MARCHF4: variants seen among roughly 807,000 people sequenced by gnomAD.
The protein encoded by MARCHF4 is E3 ubiquitin-protein ligase MARCHF4.
MARCHF4 carries 14 observed loss-of-function variants against 43.9 expected under a neutral mutation model. The observed-to-expected ratio is 0.32, with a 90% confidence interval of 0.21 to 0.50. The LOEUF (loss-of-function observed/expected upper bound fraction) is 0.50, where lower values mean the gene tolerates loss of function less well. Ranked by LOEUF, MARCHF4 falls within the 20% of genes least tolerant of loss-of-function variation. The pLI is 0.98. For synonymous variants in MARCHF4, 226 were observed against 213.3 expected, an observed-to-expected ratio of 1.06 and a Z score of -0.52; for missense variants, 468 against 536.7, an observed-to-expected ratio of 0.87 and a Z score of 1.27.
At chr2:216,321,302 C>T (rs548156521) in intron 1 of MARCHF4, among the ~76,000 whole-genome samples, 1 of 152,290 alleles carries the variant, frequency 6.6e-6, no homozygotes, top group South Asian at 2.1e-4. Flanking sequence ...ATGGCCCCCA[C>T]TCTCATGAAG....
chr2:216,353,749 T>C (rs370817477), intron 1 of MARCHF4, among the ~76,000 whole-genome samples: 1 of 152,220 alleles, frequency 6.6e-6, no homozygotes, highest in Non-Finnish European at 1.5e-5. Flanking sequence ...GGTTTTGCCA[T>C]GTTGGCCAGA....
At chr2:216,326,446 C>A (rs1009992998) in intron 1 of MARCHF4, among the ~76,000 whole-genome samples, 16 of 149,774 alleles carry the variant, frequency 1.1e-4, no homozygotes, top group Non-Finnish European at 2.2e-4. Context: ...TTTGACCCAG[C>A]CATCCCATTA....
Position 216,350,249 on chromosome 2 carries a change from T to C in MARCHF4, c.516+19496A>G, listed in dbSNP as rs112402035. Among the ~76,000 whole-genome samples the C allele has an allele frequency of 2.1e-3, 105 of 49,434 alleles. 1 individual carries two copies. The highest frequency in any genetic ancestry group is 8.4e-3 in the African/African-American group (100 of 11,848). The allele number at this position is 49,434 out of a possible 152,430, so 32.4% of individuals were successfully genotyped here. A position where few individuals can be genotyped will look rare whatever the true frequency, so the allele number is the denominator to read the frequency against. On this transcript the variant is annotated intron_variant, in intron 1 of 3. Coordinates refer to ENST00000273067, the MANE Select transcript of MARCHF4 (RefSeq NM_020814.3). The stretch of plus-strand genomic sequence containing the variant: ...CCCTCGCTATGCTACTCCCCCTCAC[T>C]CTGCCACTCCCCCTCACTCTGCCAT...
intron 1 of MARCHF4, among the ~76,000 whole-genome samples, chr2:216,366,112 A>G (rs1692662798): frequency 6.6e-6 from 1 of 152,202 alleles, no homozygotes; most frequent in African/African-American, 2.4e-5. Context: ...AACAATAACA[A>G]AATGCTACGA....
chr2:216,345,868 T>G (rs1692311700), intron 1 of MARCHF4, among the ~76,000 whole-genome samples: 1 of 152,140 alleles, frequency 6.6e-6, no homozygotes, highest in Non-Finnish European at 1.5e-5. Context: ...ACTAACCTCT[T>G]AAATCCACCC....
At chr2:216,368,413 A>G (rs1180760773) in intron 1 of MARCHF4, among the ~76,000 whole-genome samples, 4 of 152,226 alleles carry the variant, frequency 2.6e-5, no homozygotes, top group African/African-American at 9.6e-5. Context: ...TAATCTTAAG[A>G]TGGAAGAACC....
At chr2:216,369,556 A>T (rs1460940379) in intron 1 of MARCHF4, among the ~76,000 whole-genome samples, 189 bp downstream of exon 1, 4 of 152,206 alleles carry the variant, frequency 2.6e-5, no homozygotes. Context: ...ACGAACCACC[A>T]AACAGGCTCC....
intron 3 of MARCHF4, among the ~76,000 whole-genome samples, chr2:216,262,845 G>T (rs1690763648): frequency 6.6e-6 from 1 of 152,038 alleles, no homozygotes; most frequent in South Asian, 2.1e-4. Flanking sequence ...TGCCCTAAAA[G>T]AGAATATAAA....
intron 1 of MARCHF4, among the ~76,000 whole-genome samples, chr2:216,364,559 T>C (rs748625632): frequency 3.9e-5 from 6 of 152,224 alleles, no homozygotes; most frequent in Admixed American, 6.5e-5. Flanking sequence ...AACCCTGGAA[T>C]TCCTGTCCAG....
At chr2:216,327,501 A>T (rs751840038) in intron 1 of MARCHF4, among the ~76,000 whole-genome samples, 3 of 152,166 alleles carry the variant, frequency 2.0e-5, no homozygotes, top group Non-Finnish European at 4.4e-5. Flanking sequence ...CATCCTGGAA[A>T]GTCTATAGAT....
At position 216,370,261 on chromosome 2, in the gene MARCHF4, G is replaced by A; in HGVS notation, c.-1C>T. 1 of 1,595,880 alleles carries A rather than the reference G, an allele frequency of 6.3e-7. No individual in the cohort carries two copies. Among genetic ancestry groups the A allele is most frequent in the East Asian group, 2.2e-5 (1 of 44,478 alleles). ...GCAGCCCACACAGGGGCATCAGCAT[G>A]TGCCCCGTGGAAGTAGAGAGCCCAA... On this transcript the variant is annotated 5_prime_UTR_variant, in exon 1 of 4. Coordinates refer to ENST00000273067, the MANE Select transcript of MARCHF4 (RefSeq NM_020814.3).
At chr2:216,353,522 TCA>T (rs1334677091) in intron 1 of MARCHF4, among the ~76,000 whole-genome samples, 1 of 152,186 alleles carries the variant, frequency 6.6e-6, no homozygotes, top group Non-Finnish European at 1.5e-5. Flanking sequence ...ACATGTCCCC[TCA>T]CCTCTCTGGG....
In MARCHF4 at chr2:216,370,126, G is replaced by A. The variant is rs1692734619; in HGVS notation, c.135C>T (p.Leu45=). ...QGLLKCRCRM[L]FNDLKVFLLR... ...GTAAGAAAACCTTCAGGTCATTGAAGAGCATGCGGCAGCGGCACTTGAGGA... is the reference window on the plus strand; with the variant it reads ...GTAAGAAAACCTTCAGGTCATTGAAAAGCATGCGGCAGCGGCACTTGAGGA... The change falls in exon 1 of 4, where the codon CTC becomes CTT. Residue 45 remains leucine, a synonymous_variant. Transcript: ENST00000273067. The A allele has an allele frequency of 2.5e-6, 4 of 1,605,516 alleles. No individual in the cohort carries two copies. The highest frequency in any genetic ancestry group is 2.6e-6 in the Non-Finnish European group (3 of 1,176,378).
intron 1 of MARCHF4, among the ~76,000 whole-genome samples, chr2:216,294,768 T>G (rs1559092026): frequency 6.6e-6 from 1 of 152,322 alleles, no homozygotes; most frequent in South Asian, 2.1e-4. Context: ...GACCAGATAC[T>G]CTTCAGCAAA....
chr2:216,289,750 A>C (rs1691277311), intron 1 of MARCHF4, among the ~76,000 whole-genome samples: 1 of 152,238 alleles, frequency 6.6e-6, no homozygotes, highest in Non-Finnish European at 1.5e-5. Context: ...AATACAGTCT[A>C]GTGTAGCAAA....
At chr2:216,299,508 A>G (rs1691454089) in intron 1 of MARCHF4, among the ~76,000 whole-genome samples, 1 of 152,224 alleles carries the variant, frequency 6.6e-6, no homozygotes, top group Non-Finnish European at 1.5e-5. Context: ...ACTCTTCCCC[A>G]ATAAGACTCT....
intron 1 of MARCHF4, among the ~76,000 whole-genome samples, chr2:216,295,160 G>A (rs1291859406): frequency 6.6e-6 from 1 of 152,230 alleles, no homozygotes; most frequent in Non-Finnish European, 1.5e-5. Context: ...CTGACCTGTA[G>A]TGAGTTTTCT....
At chr2:216,278,719 G>A (rs1691076455) in intron 2 of MARCHF4, among the ~76,000 whole-genome samples, 1 of 152,144 alleles carries the variant, frequency 6.6e-6, no homozygotes, top group African/African-American at 2.4e-5. Flanking sequence ...GAGAAGAAAG[G>A]CAGCTTATAA....
chr2:216,259,618 G>A lies in MARCHF4; in HGVS notation c.927C>T (p.Asn309=), dbSNP rs1269787443. 1 of 1,614,190 alleles carries A rather than the reference G, an allele frequency of 6.2e-7. No individual in the cohort carries two copies. Among genetic ancestry groups the A allele is most frequent in the Non-Finnish European group, 8.5e-7 (1 of 1,180,040 alleles). ...CATAGTTCAGCACTTTCCACTGCTG[G>A]TTGACAGCCTGCCACCGTTTAAAGA... The part of the protein sequence containing the change: ...YRIFKRWQAV[N]QQWKVLNYDK... Residue 309 remains asparagine (N), a synonymous_variant, in exon 4 of 4, where the codon AAC becomes AAT. Coordinates refer to ENST00000273067, the MANE Select transcript of MARCHF4 (RefSeq NM_020814.3).
Sources: allele counts gnomAD v4.1 joint callset (sites outside exome capture counted in the v4.1 genomes callset), GRCh38; gene constraint gnomAD v4.1.1; transcripts MANE v1.5; gene names NCBI Gene and HGNC (gene_info 2026-07-23, HGNC 2026-07-21).